Variants in STK33 observed in about 807,000 individuals in gnomAD.
STK33 encodes serine/threonine kinase 33.
Under a neutral mutation model 58.0 loss-of-function variants are expected in STK33, and 52 were observed. That is an observed-to-expected ratio of 0.90 (90% confidence interval 0.72 to 1.13). The LOEUF (loss-of-function observed/expected upper bound fraction) is 1.13. STK33 is among the 50% of genes most tolerant of loss of function. The probability of loss-of-function intolerance (pLI) is 0.00; values close to 1 mark genes in which losing one functional copy is unlikely to be tolerated. For missense variants in STK33, 630 were observed against 604.2 expected (o/e 1.04, Z -0.45); for synonymous variants, 215 against 200.1 (o/e 1.07, Z -0.63).
chr11:8,397,501 A>G (rs1244947430), intron 15 of STK33, among the ~76,000 whole-genome samples: 1 of 152,208 alleles, frequency 6.6e-6, no homozygotes, highest in African/African-American at 2.4e-5. Flanking sequence ...ATAAAACCAC[A>G]AAGATGGGGA....
chr11:8,449,382 C>G (rs1945965003), intron 11 of STK33, among the ~76,000 whole-genome samples: 1 of 151,498 alleles, frequency 6.6e-6, no homozygotes, highest in Admixed American at 6.6e-5. Context: ...TGGAACCAAC[C>G]CAAATGTCCA....
At chr11:8,352,788 A>G in the STK33 span, among the ~76,000 whole-genome samples, 12 of 152,348 alleles carry the variant, frequency 7.9e-5, no homozygotes, top group Non-Finnish European at 1.8e-4. Context: ...GAGTTTTTAA[A>G]TATTAATTAA....
chr11:8,435,302 C>T (rs1291658367), intron 14 of STK33, among the ~76,000 whole-genome samples, 192 bp downstream of exon 14: 1 of 152,188 alleles, frequency 6.6e-6, no homozygotes, highest in Non-Finnish European at 1.5e-5. Flanking sequence ...TATATATAAA[C>T]AACTGTGACA....
chr11:8,539,642 A>T (rs1373871836), intron 1 of STK33, among the ~76,000 whole-genome samples: 2 of 152,200 alleles, frequency 1.3e-5, no homozygotes, highest in African/African-American at 4.8e-5. Flanking sequence ...AAAAGATTCG[A>T]AGAATCTACC....
chr11:8,387,359 C>T (rs1848558230), downstream of STK33, among the ~76,000 whole-genome samples: 1 of 152,198 alleles, frequency 6.6e-6, no homozygotes, highest in Non-Finnish European at 1.5e-5. Context: ...TACTTGAGCA[C>T]ACTGGCCAGG....
At chr11:8,378,149 T>A in the STK33 span, among the ~76,000 whole-genome samples, 7,258 of 152,274 alleles carry the variant, frequency 0.048, 348 homozygotes, top group African/African-American at 0.12. Context: ...AAACTTACAA[T>A]CATGATGGAA....
chr11:8,372,086 C>T, the STK33 span, among the ~76,000 whole-genome samples: 1 of 152,010 alleles, frequency 6.6e-6, no homozygotes, highest in South Asian at 2.1e-4. Context: ...CCAGGCTGAT[C>T]CTAACTCCTA....
At chr11:8,484,975 G>A (rs916973964) in intron 1 of STK33, among the ~76,000 whole-genome samples, 3 of 151,984 alleles carry the variant, frequency 2.0e-5, no homozygotes, top group Non-Finnish European at 1.5e-5. Context: ...TGGAGCCAAG[G>A]GATTTTTCTC....
chr11:8,534,568 C>CTCTCTCTCTCTCTCTG (rs1402710450), intron 1 of STK33, among the ~76,000 whole-genome samples: 1 of 104,694 alleles, frequency 9.6e-6, no homozygotes, highest in African/African-American at 4.1e-5. Context: ...CTCTCTCTCT[C>CTCTCTCTCTCTCTCTG]TGTGTGTGTG....
intron 15 of STK33, among the ~76,000 whole-genome samples, chr11:8,403,854 G>A (rs954073632): frequency 6.6e-6 from 1 of 152,180 alleles, no homozygotes; most frequent in Admixed American, 6.5e-5. Context: ...TGGTGATAAT[G>A]GATGCAAAAC....
chr11:8,537,600 AT>A (rs1358268838), intron 1 of STK33, among the ~76,000 whole-genome samples: 1 of 151,990 alleles, frequency 6.6e-6, no homozygotes, highest in Non-Finnish European at 1.5e-5. Flanking sequence ...ATTGTTTAGA[AT>A]AACATGAGAT....
At chr11:8,399,138 T>C (rs1004905007) in intron 15 of STK33, among the ~76,000 whole-genome samples, 5 of 152,216 alleles carry the variant, frequency 3.3e-5, no homozygotes, top group Non-Finnish European at 7.4e-5. Flanking sequence ...CTACAGAACT[T>C]TCCACCCCAA....
chr11:8,391,637 CAAAGG>C (rs1467547337), downstream of STK33, among the ~76,000 whole-genome samples: 5 of 152,150 alleles, frequency 3.3e-5, no homozygotes, highest in Non-Finnish European at 7.4e-5. Context: ...GCTTTGGAAG[CAAAGG>C]AAAGTAGCTA....
At chr11:8,377,281 T>G in the STK33 span, among the ~76,000 whole-genome samples, 1 of 152,202 alleles carries the variant, frequency 6.6e-6, no homozygotes, top group East Asian at 1.9e-4. Flanking sequence ...AATCTTCACC[T>G]TTGTCTAAAA....
At position 8,509,116 on chromosome 11, in the gene STK33, C is replaced by CAAAAAAAAAAAAAAAAAAAAAAAAAAAA. The variant is rs1161851155; in HGVS notation, c.-465-28503_-465-28502insTTTTTTTTTTTTTTTTTTTTTTTTTTTT. ...GGGCAACAAGAGCAAAACTCTGTCT[C>CAAAAAAAAAAAAAAAAAAAAAAAAAAAA]AAAAAAAAAAAAAAAAAAAAAAAGC... On this transcript the variant is annotated intron_variant, in intron 1 of 15. Coordinates refer to ENST00000687296, the MANE Select transcript of STK33 (RefSeq NM_001352389.2). Among the ~76,000 whole-genome samples, 2 of 45,416 alleles carry CAAAAAAAAAAAAAAAAAAAAAAAAAAAA rather than the reference C, an allele frequency of 4.4e-5. 1 individual carries two copies. The highest frequency in any genetic ancestry group is 1.6e-4 in the African/African-American group (2 of 12,136). 29.8% of individuals were successfully genotyped at this position (45,416 alleles called of 152,430 possible). A position where few individuals can be genotyped will look rare whatever the true frequency, so the allele number is the denominator to read the frequency against.
At chr11:8,507,810 T>C (rs1306368556) in intron 1 of STK33, among the ~76,000 whole-genome samples, 4 of 152,196 alleles carry the variant, frequency 2.6e-5, no homozygotes, top group African/African-American at 9.6e-5. Flanking sequence ...GATCGTGCAG[T>C]CTAGTTGAGT....
the STK33 span, among the ~76,000 whole-genome samples, chr11:8,357,815 G>A: frequency 6.6e-6 from 1 of 152,220 alleles, no homozygotes; most frequent in African/African-American, 2.4e-5. Context: ...TGGAGTAGGG[G>A]AGCTCTACAT....
At chr11:8,589,169 C>A (rs1367833354) in intron 1 of STK33, among the ~76,000 whole-genome samples, 1 of 151,866 alleles carries the variant, frequency 6.6e-6, no homozygotes, top group African/African-American at 2.4e-5. Flanking sequence ...CCTAGAGAAC[C>A]CAGAAGAACT....
At chr11:8,445,358 G>A (rs994468291) in intron 11 of STK33, among the ~76,000 whole-genome samples, 7 of 152,110 alleles carry the variant, frequency 4.6e-5, no homozygotes, top group Non-Finnish European at 1.0e-4. Context: ...CTTCCTATTT[G>A]AATACCCTTT....
Sources: allele counts gnomAD v4.1 joint callset (sites outside exome capture counted in the v4.1 genomes callset), GRCh38; gene constraint gnomAD v4.1.1; transcripts MANE v1.5; gene names NCBI Gene and HGNC (gene_info 2026-07-23, HGNC 2026-07-21).